SLF1: variants seen among roughly 807,000 people sequenced by gnomAD.
SLF1 encodes SMC5/6 complex localization factor 1, also known as SMC5-SMC6 complex localization factor protein 1.
Under a neutral mutation model 123.0 loss-of-function variants are expected in SLF1, and 105 were observed. That is an observed-to-expected ratio of 0.85 (90% CI 0.73 to 1.00). SLF1 has a LOEUF of 1.00. SLF1 is among the 50% of genes least tolerant of loss of function. SLF1 has a pLI of 0.00. For missense variants in SLF1, 1,239 were observed against 1,223.0 expected (o/e 1.01, Z -0.20); for synonymous variants, 434 against 406.6 (o/e 1.07, Z -0.81).
chr5:94,681,318 A>C (rs1376720977), intron 15 of SLF1, among the ~76,000 whole-genome samples: 1 of 151,898 alleles, frequency 6.6e-6, no homozygotes, highest in African/African-American at 2.4e-5. Flanking sequence ...TTTAGTAGAG[A>C]TGGGGGTTTC....
At chr5:94,662,623 C>A (rs1325165483) in intron 10 of SLF1, among the ~76,000 whole-genome samples, 1 of 152,146 alleles carries the variant, frequency 6.6e-6, no homozygotes, top group Non-Finnish European at 1.5e-5. Context: ...TTCCTGTTCT[C>A]ATGTTTCATA....
chr5:94,665,465 G>C (rs564919660), intron 11 of SLF1, among the ~76,000 whole-genome samples: 1 of 151,764 alleles, frequency 6.6e-6, no homozygotes, highest in African/African-American at 2.4e-5. Context: ...TTAGGCCAGC[G>C]TTAGGCCGGG....
chr5:94,683,099 G>A (rs1171361647), intron 15 of SLF1, among the ~76,000 whole-genome samples: 1 of 151,160 alleles, frequency 6.6e-6, no homozygotes, highest in African/African-American at 2.4e-5. Flanking sequence ...TTTACTATAG[G>A]TTTTTTTTTC....
intron 9 of SLF1, among the ~76,000 whole-genome samples, chr5:94,660,408 C>G (rs555271504): frequency 3.9e-5 from 6 of 152,150 alleles, no homozygotes; most frequent in African/African-American, 1.4e-4. Flanking sequence ...GTTGCACAGG[C>G]ACCAGGAGTG....
chr5:94,660,356 G>T (rs1748938884), intron 9 of SLF1, among the ~76,000 whole-genome samples: 1 of 152,222 alleles, frequency 6.6e-6, no homozygotes, highest in East Asian at 1.9e-4. Flanking sequence ...TCAAGTGCCT[G>T]TTGCAGTAGG....
chr5:94,655,799 T>C (rs186068104), intron 9 of SLF1, among the ~76,000 whole-genome samples: 226 of 152,274 alleles, frequency 1.5e-3, no homozygotes, highest in African/African-American at 5.2e-3. Flanking sequence ...GTTAACTTTT[T>C]ATCTCACAGC....
chr5:94,690,693 A>G (rs114629064), intron 18 of SLF1, among the ~76,000 whole-genome samples: 280 of 152,252 alleles, frequency 1.8e-3, no homozygotes, highest in Non-Finnish European at 3.1e-3. Context: ...AACAAATTAG[A>G]TTCAGTATTT....
At chr5:94,627,541 C>T in intron 1 of SLF1, among the ~76,000 whole-genome samples, 1 of 133,916 alleles carries the variant, frequency 7.5e-6, no homozygotes, top group African/African-American at 2.8e-5. Context: ...TGATTTTTTC[C>T]AAAAAGTGAT....
At chr5:94,635,167 G>T (rs1205231256) in intron 4 of SLF1, among the ~76,000 whole-genome samples, 5 of 151,802 alleles carry the variant, frequency 3.3e-5, no homozygotes, top group African/African-American at 4.8e-5. Flanking sequence ...TGCAGTTTCA[G>T]GTATAATGTT....
At chr5:94,629,202 A>G in intron 3 of SLF1, 35 bp downstream of exon 3, 1 of 1,482,884 alleles carries the variant, frequency 6.7e-7, no homozygotes, top group Non-Finnish European at 9.1e-7. Context: ...TTTTAAAAAC[A>G]ATCTTCGTGT....
rs1243381963 is a variant in SLF1 at position 94,654,685 on chromosome 5, C to T, written c.1088C>T (p.Ala363Val). ...AEYAKESKAM[A>V]IKTDVDVVEI... ...TATGCCAAAGAATCAAAAGCCATGG[C>T]TATTAAGACAGATGTGGATGTTGTT... The change falls in exon 9 of 21, where the codon GCT becomes GTT. Residue 363 changes from alanine (A) to valine (V), a missense_variant. Physicochemically the swap from Ala to Val is moderately conservative, Grantham distance 64. Transcript: ENST00000265140. The T allele has an allele frequency of 6.5e-7, 1 of 1,544,146 alleles. No individual in the cohort carries two copies. The highest frequency in any genetic ancestry group is 2.0e-5 in the Admixed American group (1 of 50,420).
chr5:94,618,732 T>C lies in SLF1; in HGVS notation c.-34T>C, dbSNP rs906797634. The C allele has an allele frequency of 1.9e-5, 3 of 154,746 alleles. No homozygotes were observed. The highest frequency in any genetic ancestry group is 7.2e-5 in the African/African-American group (3 of 41,494). The allele number at this position is 154,746 out of a possible 1,614,324, so 9.6% of individuals were successfully genotyped here. A position where few individuals can be genotyped will look rare whatever the true frequency, so the allele number is the denominator to read the frequency against. ...CGGCAGTCGTCGCCCCTGCCGCCGC[T>C]GCCACCGAAGGAAGCATCCCAGACA... On this transcript the variant is annotated 5_prime_UTR_variant, in exon 1 of 21. Transcript: ENST00000265140.
Position 94,678,964 on chromosome 5 carries a change from G to A in SLF1, c.1975+9G>A, listed in dbSNP as rs1353312016. On this transcript the variant is annotated intron_variant, in intron 15 of 20. Transcript: ENST00000265140. ...TTCTCTTTCGTGTGATGGTAAGTTT[G>A]TCTATGTTCTGTTTTTTTCAGACCC... 1 of 1,610,610 alleles carries A rather than the reference G, an allele frequency of 6.2e-7. No homozygotes were observed. Among genetic ancestry groups the A allele is most frequent in the Non-Finnish European group, 8.5e-7 (1 of 1,178,438 alleles).
Position 94,629,097 on chromosome 5 carries a change from C to G in SLF1, c.120C>G (p.Tyr40Ter). 2 of 1,538,088 alleles carry G rather than the reference C, an allele frequency of 1.3e-6. No individual in the cohort carries two copies. The highest frequency in any genetic ancestry group is 1.8e-6 in the Non-Finnish European group (2 of 1,141,110). Residue 40 changes from tyrosine to a stop codon, truncating the protein, a stop_gained, in exon 3 of 21, where the codon TAC becomes TAG. Coordinates refer to ENST00000265140, the MANE Select transcript of SLF1 (RefSeq NM_032290.4). LOFTEE classifies it high-confidence loss of function. Reference sequence around the variant, plus strand: ...ATGTGGATTTTTCCCTCCAGAAATACAAAAATTGTACACATCTTATAGCTG... The same window carrying G: ...ATGTGGATTTTTCCCTCCAGAAATAGAAAAATTGTACACATCTTATAGCTG... ...LDCTFIKSEK[Y>*]KNCTHLIAER...
chr5:94,639,240 A>G (rs763813420), intron 4 of SLF1, among the ~76,000 whole-genome samples: 4 of 152,050 alleles, frequency 2.6e-5, no homozygotes, highest in African/African-American at 4.8e-5. Flanking sequence ...GGGTTTCACC[A>G]TGTTGGCCAG....
At chr5:94,654,836 CAT>C in intron 9 of SLF1, 84 bp downstream of exon 9, 1 of 929,854 alleles carries the variant, frequency 1.1e-6, no homozygotes, top group Non-Finnish European at 1.4e-6. Context: ...TACATATATA[CAT>C]ATGATTCATT....
chr5:94,677,493 ATTATG>A lies in SLF1; in HGVS notation c.1828-1310_1828-1306del, dbSNP rs1305500042. 3.9e-5 allele frequency among the ~76,000 whole-genome samples: 6 copies of A among 152,320 alleles called. No homozygotes were observed. The East Asian group carries it at 9.6e-4, about 24-fold the overall frequency. ...TTTATACATGAACAGAATGTTATAT[ATTATG>A]TTATTTAAGCATAATATATGCCTAA... On this transcript the variant is annotated intron_variant, in intron 14 of 20. Transcript: ENST00000265140.
At chr5:94,676,757 A>G (rs1751116221) in intron 14 of SLF1, among the ~76,000 whole-genome samples, 1 of 152,206 alleles carries the variant, frequency 6.6e-6, no homozygotes, top group African/African-American at 2.4e-5. Context: ...TTCCATAAAC[A>G]CTGTTCTGGC....
intron 4 of SLF1, among the ~76,000 whole-genome samples, chr5:94,632,851 G>C (rs1745352612): frequency 1.3e-5 from 2 of 151,322 alleles, no homozygotes; most frequent in African/African-American, 2.4e-5. Context: ...CAGGTGCCCG[G>C]CTAATTTTCT....
Sources: gnomAD v4.1 joint callset for allele counts (sites outside exome capture counted in the v4.1 genomes callset) on GRCh38, gnomAD v4.1.1 for gene constraint, MANE v1.5 for transcripts, NCBI Gene and HGNC (gene_info 2026-07-23, HGNC 2026-07-21) for gene names.